THADA: variants seen among roughly 807,000 people sequenced by gnomAD.
THADA encodes THADA armadillo repeat containing, also known as tRNA (32-2'-O)-methyltransferase regulator THADA.
THADA carries 213 observed loss-of-function variants against 219.8 expected under a neutral mutation model. The ratio of observed to expected loss-of-function variants is 0.97; its 90% CI spans 0.87 to 1.09. THADA has a LOEUF of 1.09. THADA is among the 50% of genes least tolerant of loss of function. The pLI, the probability that THADA is intolerant of heterozygous loss-of-function variation, is 0.00. For synonymous variants in THADA, 1,018 were observed against 828.9 expected (o/e 1.23, Z -3.92); for missense variants, 2,956 against 2,311.3 (o/e 1.28, Z -5.72).
At chr2:43,311,130 C>T (rs1408349811) in intron 31 of THADA, among the ~76,000 whole-genome samples, 7 of 151,608 alleles carry the variant, frequency 4.6e-5, no homozygotes, top group African/African-American at 1.2e-4. Flanking sequence ...GAACCGAGAT[C>T]GTGCCATTGC....
rs79753798 is a variant in THADA, at chr2:43,524,266, A to G, written c.3374+3613T>C. ...TTGCTTTCAAAACATTCCCAGAAAAAGTAACAATGTCTCCATCCCTATTTA... is the reference window on the plus strand; with the variant it reads ...TTGCTTTCAAAACATTCCCAGAAAAGGTAACAATGTCTCCATCCCTATTTA... On this transcript the variant is annotated intron_variant, in intron 22 of 37. Coordinates refer to ENST00000405975, the MANE Select transcript of THADA (RefSeq NM_022065.5). Among the ~76,000 whole-genome samples the G allele has an allele frequency of 9.0e-3, 1,370 of 152,340 alleles. 23 individuals carry two copies. Among genetic ancestry groups the G allele is most frequent in the African/African-American group, 0.031 (1,306 of 41,566 alleles).
chr2:43,241,465 T>A (rs1027577183), intron 36 of THADA, among the ~76,000 whole-genome samples: 1 of 150,242 alleles, frequency 6.7e-6, no homozygotes, highest in African/African-American at 2.4e-5. Flanking sequence ...CACACACAAC[T>A]TGGGTTCTAA....
chr2:43,437,038 G>T (rs1229587504), intron 26 of THADA, among the ~76,000 whole-genome samples: 1 of 152,170 alleles, frequency 6.6e-6, no homozygotes, highest in Non-Finnish European at 1.5e-5. Context: ...AAGCTTCCCA[G>T]AGATATAAGC....
chr2:43,527,658 C>T (rs1693333114), intron 22 of THADA, among the ~76,000 whole-genome samples: 1 of 151,590 alleles, frequency 6.6e-6, no homozygotes, highest in South Asian at 2.1e-4. Flanking sequence ...TGCTTCAAAT[C>T]ACCTTTCAAT....
At chr2:43,572,285 C>G (rs1447072991) in intron 12 of THADA, among the ~76,000 whole-genome samples, 1 of 152,136 alleles carries the variant, frequency 6.6e-6, no homozygotes, top group East Asian at 1.9e-4. Context: ...TTTGGTTTAG[C>G]TTAGTAAAAC....
At chr2:43,470,201 T>G (rs1400553836) in intron 26 of THADA, among the ~76,000 whole-genome samples, 1 of 131,620 alleles carries the variant, frequency 7.6e-6, no homozygotes, top group Non-Finnish European at 1.6e-5. Flanking sequence ...CGGTGAGACC[T>G]TGTCTCAAAA....
chr2:43,316,225 G>T (rs1479208936), intron 31 of THADA, among the ~76,000 whole-genome samples: 1 of 152,146 alleles, frequency 6.6e-6, no homozygotes, highest in Non-Finnish European at 1.5e-5. Flanking sequence ...AAGTAGAAAT[G>T]ATCTTTCTTT....
chr2:43,521,281 C>T (rs1004931590), intron 22 of THADA, among the ~76,000 whole-genome samples: 1 of 151,996 alleles, frequency 6.6e-6, no homozygotes, highest in East Asian at 1.9e-4. Flanking sequence ...GAGGGCCGGG[C>T]GTGGTGGCTC....
intron 34 of THADA, among the ~76,000 whole-genome samples, chr2:43,288,585 A>C (rs1674324374): frequency 6.6e-6 from 1 of 152,248 alleles, no homozygotes; most frequent in African/African-American, 2.4e-5. Flanking sequence ...TCCCAAGCAC[A>C]GGACTTCCTC....
chr2:43,578,024 G>A (rs1051500448), intron 9 of THADA, among the ~76,000 whole-genome samples: 2 of 151,682 alleles, frequency 1.3e-5, no homozygotes, highest in Non-Finnish European at 2.9e-5. Flanking sequence ...GACTGTTATT[G>A]TCTTTTTGTT....
At chr2:43,542,598 C>T (rs1574166198) in intron 20 of THADA, among the ~76,000 whole-genome samples, 2 of 152,324 alleles carry the variant, frequency 1.3e-5, no homozygotes, top group Admixed American at 6.5e-5. Context: ...ATTCTGGAAG[C>T]TTGACACAAC....
At position 43,246,419 on chromosome 2, in the gene THADA, C is replaced by T. The variant is rs1258568328; in HGVS notation, c.5297-13537G>A. ...CTGAGGCAGGAGAATCACTTGAACC[C>T]GGGAGGTGGAGGTTGCAGAGAGCTT... On this transcript the variant is annotated intron_variant, in intron 36 of 37. Transcript: ENST00000405975. Among the ~76,000 whole-genome samples, 5 of 152,190 alleles carry T rather than the reference C, an allele frequency of 3.3e-5. No homozygotes were observed. In the East Asian group the frequency reaches 7.7e-4, roughly 23 times the overall value.
chr2:43,548,010 T>A (rs1420439563), intron 20 of THADA, among the ~76,000 whole-genome samples: 1 of 152,114 alleles, frequency 6.6e-6, no homozygotes, highest in Non-Finnish European at 1.5e-5. Context: ...CTACTTTTGG[T>A]CTTTGATGAT....
At chr2:43,506,551 A>G (rs563912806) in intron 23 of THADA, among the ~76,000 whole-genome samples, 4 of 152,322 alleles carry the variant, frequency 2.6e-5, no homozygotes, top group Admixed American at 6.5e-5. Context: ...AAGGTAGATT[A>G]GTGATTGCCT....
intron 34 of THADA, among the ~76,000 whole-genome samples, chr2:43,290,833 A>G (rs1674608542): frequency 1.3e-5 from 2 of 151,660 alleles, no homozygotes; most frequent in African/African-American, 2.4e-5. Flanking sequence ...AGTAGCATGT[A>G]TTTGTCTTAA....
chr2:43,255,820 CG>C (rs1051823776), intron 36 of THADA, among the ~76,000 whole-genome samples: 7 of 152,120 alleles, frequency 4.6e-5, no homozygotes, highest in Admixed American at 4.6e-4. Flanking sequence ...CAACAGGCCC[CG>C]GGTGGGTGAG....
rs1191486835 is a variant in THADA at position 43,514,873 on chromosome 2, T to TATA, written c.3375-6096_3375-6094dup. Reference sequence around the variant, plus strand: ...TAATATGTACAATATATATTTTATGTATAATATGTATAATATATATTTTAT... The same window carrying TATA: ...TAATATGTACAATATATATTTTATGTATAATAATATGTATAATATATATTTTAT... On this transcript the variant is annotated intron_variant, in intron 22 of 37. Transcript: ENST00000405975. Among the ~76,000 whole-genome samples the TATA allele has an allele frequency of 2.9e-3, 209 of 72,340 alleles. 11 individuals carry two copies. Among genetic ancestry groups the TATA allele is most frequent in the African/African-American group, 0.012 (187 of 15,050 alleles). The allele number at this position is 72,340 out of a possible 152,430, so 47.5% of individuals were successfully genotyped here. A position where few individuals can be genotyped will look rare whatever the true frequency, so the allele number is the denominator to read the frequency against.
chr2:43,489,840 G>A (rs186189831), intron 25 of THADA, among the ~76,000 whole-genome samples: 2 of 137,066 alleles, frequency 1.5e-5, no homozygotes, highest in African/African-American at 2.9e-5. Context: ...GCTATTATGG[G>A]TCCCTCACAT....
rs1028797392 is a variant in THADA at position 43,520,743 on chromosome 2, CAT to C, written c.3374+7134_3374+7135del. ...ACACACACACACACACACACACACA[CAT>C]ATATATCAACAACAACAACAACAAA... On this transcript the variant is annotated intron_variant, in intron 22 of 37. Coordinates refer to ENST00000405975, the MANE Select transcript of THADA (RefSeq NM_022065.5). Among the ~76,000 whole-genome samples the C allele has an allele frequency of 8.7e-3, 1,261 of 144,314 alleles. 16 individuals carry two copies. The highest frequency in any genetic ancestry group is 0.025 in the African/African-American group (977 of 39,512). 94.7% of individuals were successfully genotyped at this position (144,314 alleles called of 152,430 possible).
Sources: gnomAD v4.1 joint callset for allele counts (sites outside exome capture counted in the v4.1 genomes callset) on GRCh38, gnomAD v4.1.1 for gene constraint, MANE v1.5 for transcripts, NCBI Gene and HGNC (gene_info 2026-07-23, HGNC 2026-07-21) for gene names.